PRKCE: variants seen among roughly 807,000 people sequenced by gnomAD.
PRKCE encodes the protein protein kinase C epsilon type.
In PRKCE, 16 loss-of-function variants were observed where a neutral mutation model predicts 85.4. The ratio of observed to expected loss-of-function variants is 0.19; its 90% CI spans 0.13 to 0.28. The LOEUF is 0.28. Ranked by LOEUF, PRKCE falls within the 10% of genes least tolerant of loss-of-function variation. The probability of loss-of-function intolerance (pLI) is 1.00; values close to 1 mark genes in which losing one functional copy is unlikely to be tolerated. For missense variants in PRKCE, 573 were observed against 975.2 expected, an observed-to-expected ratio of 0.59 and a Z score of 5.49; for synonymous variants, 388 against 371.5, an observed-to-expected ratio of 1.04 and a Z score of -0.51.
intron 2 of PRKCE, among the ~76,000 whole-genome samples, chr2:45,859,789 C>G (rs1692995223): frequency 6.6e-6 from 1 of 152,140 alleles, no homozygotes; most frequent in South Asian, 2.1e-4. Context: ...AATCATGTCA[C>G]ATATCTGGGC....
chr2:45,724,698 T>C (rs1680909201), intron 1 of PRKCE, among the ~76,000 whole-genome samples: 1 of 152,222 alleles, frequency 6.6e-6, no homozygotes, highest in Non-Finnish European at 1.5e-5. Flanking sequence ...CAGAGAAAGT[T>C]TGAGTGGTCT....
chr2:46,013,404 T>C (rs1166005917), intron 10 of PRKCE, among the ~76,000 whole-genome samples: 5 of 152,178 alleles, frequency 3.3e-5, no homozygotes, highest in South Asian at 4.1e-4. Context: ...AATAGTTATG[T>C]TCTAGATGGG....
At chr2:46,050,970 C>G (rs1249674168) in intron 10 of PRKCE, among the ~76,000 whole-genome samples, 1 of 152,200 alleles carries the variant, frequency 6.6e-6, no homozygotes, top group Non-Finnish European at 1.5e-5. Context: ...CACTTCACCT[C>G]ACTGTCATCA....
intron 2 of PRKCE, chr2:45,845,331 G>A (rs1691693830): frequency 6.6e-6 from 1 of 151,300 alleles, no homozygotes; most frequent in Non-Finnish European, 1.5e-5. Flanking sequence ...GGTGAAGCAA[G>A]TTGTCACAAC....
At chr2:45,767,790 C>T (rs545275055) in intron 1 of PRKCE, among the ~76,000 whole-genome samples, 6 of 152,306 alleles carry the variant, frequency 3.9e-5, no homozygotes, top group Non-Finnish European at 7.4e-5. Context: ...TGGAGGAAGA[C>T]TTAGGGCTTT....
intron 10 of PRKCE, among the ~76,000 whole-genome samples, chr2:46,012,845 G>T (rs1165523245): frequency 1.3e-5 from 2 of 152,212 alleles, no homozygotes; most frequent in Non-Finnish European, 2.9e-5. Flanking sequence ...GCACAAAATG[G>T]TGTTGAATAA....
chr2:45,924,324 T>C (rs149265707), intron 2 of PRKCE, among the ~76,000 whole-genome samples: 1 of 152,346 alleles, frequency 6.6e-6, no homozygotes, highest in East Asian at 1.9e-4. Flanking sequence ...AATAAATCCT[T>C]GCGCCAATTT....
chr2:46,161,311 G>C (rs1677736773), intron 14 of PRKCE, among the ~76,000 whole-genome samples: 1 of 152,242 alleles, frequency 6.6e-6, no homozygotes, highest in African/African-American at 2.4e-5. Context: ...AGAAACTAAA[G>C]GCTCAGATGG....
At chr2:45,955,882 C>T (rs764322008) in intron 2 of PRKCE, among the ~76,000 whole-genome samples, 1 of 152,114 alleles carries the variant, frequency 6.6e-6, no homozygotes, top group Non-Finnish European at 1.5e-5. Context: ...TACATACAGT[C>T]GTATAACCAT....
intron 1 of PRKCE, among the ~76,000 whole-genome samples, chr2:45,813,097 C>G (rs183850054): frequency 1.3e-5 from 2 of 152,224 alleles, no homozygotes; most frequent in South Asian, 4.1e-4. Flanking sequence ...GGAGAGAATC[C>G]GCTTTTGGCA....
intron 1 of PRKCE, among the ~76,000 whole-genome samples, chr2:45,740,124 C>T (rs1449221770): frequency 2.0e-5 from 3 of 146,600 alleles, no homozygotes; most frequent in Admixed American, 6.9e-5. Flanking sequence ...TAAGACCAGC[C>T]TGGGCAACAT....
rs1375545686 is a variant in PRKCE at position 46,007,734 on chromosome 2, G to C, written c.1263+73G>C. 34 of 1,473,160 alleles carry C rather than the reference G, an allele frequency of 2.3e-5. No homozygotes were observed. The East Asian group carries it at 8.0e-4, about 35-fold the overall frequency. 91.3% of individuals were successfully genotyped at this position (1,473,160 alleles called of 1,614,324 possible). A position where few individuals can be genotyped will look rare whatever the true frequency, so the allele number is the denominator to read the frequency against. ...GCATTGTTTCGTCTGTTTGATCTAA[G>C]ATTGAGAGAGGAACCTTTCAGCCTG... is the stretch of plus-strand genomic sequence containing the variant. On this transcript the variant is annotated intron_variant, in intron 9 of 14. Transcript: ENST00000306156.
chr2:45,747,946 G>A (rs1683268106), intron 1 of PRKCE, among the ~76,000 whole-genome samples: 1 of 151,466 alleles, frequency 6.6e-6, no homozygotes, highest in African/African-American at 2.4e-5. Flanking sequence ...CTTTTCATGT[G>A]CTTACTGGCC....
At chr2:46,049,015 C>G (rs1456532654) in intron 10 of PRKCE, among the ~76,000 whole-genome samples, 3 of 152,166 alleles carry the variant, frequency 2.0e-5, no homozygotes, top group Non-Finnish European at 4.4e-5. Context: ...CTTTTATAAG[C>G]AATTTAGTTA....
chr2:46,021,749 C>G (rs1269739761), intron 10 of PRKCE, among the ~76,000 whole-genome samples: 1 of 152,196 alleles, frequency 6.6e-6, no homozygotes, highest in Non-Finnish European at 1.5e-5. Context: ...GGTCACCAAA[C>G]AAAGCCAGTT....
intron 1 of PRKCE, among the ~76,000 whole-genome samples, chr2:45,666,642 G>T (rs1439286941): frequency 6.6e-6 from 1 of 151,942 alleles, no homozygotes. Context: ...CCAGGCTACA[G>T]CTCTTTTGGC....
intron 8 of PRKCE, among the ~76,000 whole-genome samples, chr2:46,007,149 C>A (rs1441441732): frequency 6.6e-6 from 1 of 152,172 alleles, no homozygotes; most frequent in Non-Finnish European, 1.5e-5. Flanking sequence ...TTACCTAGAA[C>A]AGTGGAATAG....
At chr2:45,824,872 T>C (rs1689818861) in intron 1 of PRKCE, among the ~76,000 whole-genome samples, 1 of 152,124 alleles carries the variant, frequency 6.6e-6, no homozygotes, top group South Asian at 2.1e-4. Context: ...TCTTCTCCCT[T>C]AGAAGTTGAA....
chr2:46,010,805 A>G, intron 10 of PRKCE: 1 of 1,584,534 alleles, frequency 6.3e-7, no homozygotes, highest in Non-Finnish European at 8.5e-7. Context: ...TGGAAAAACC[A>G]ACAAGTGTGG....
Sources: gnomAD v4.1 joint callset for allele counts (sites outside exome capture counted in the v4.1 genomes callset) on GRCh38, gnomAD v4.1.1 for gene constraint, MANE v1.5 for transcripts, NCBI Gene and HGNC (gene_info 2026-07-23, HGNC 2026-07-21) for gene names.